Variants in STXBP5L observed in about 807,000 individuals in gnomAD.
STXBP5L encodes syntaxin binding protein 5L, also known as syntaxin-binding protein 5-like.
A neutral mutation model predicts 144.5 loss-of-function variants in STXBP5L; 65 were observed. The observed-to-expected ratio is 0.45, with a 90% CI of 0.37 to 0.55. The LOEUF (loss-of-function observed/expected upper bound fraction) is 0.55, where lower values mean the gene tolerates loss of function less well. STXBP5L is among the 20% of genes least tolerant of loss of function. The pLI is 0.00. For synonymous variants in STXBP5L, 505 were observed against 469.6 expected, an observed-to-expected ratio of 1.08 and a Z score of -0.97; for missense variants, 1,298 against 1,405.5, an observed-to-expected ratio of 0.92 and a Z score of 1.22.
chr3:121,336,192 TG>T (rs1436690555), intron 20 of STXBP5L, among the ~76,000 whole-genome samples: 1 of 152,102 alleles, frequency 6.6e-6, no homozygotes, highest in African/African-American at 2.4e-5. Context: ...ATTAGAGAAA[TG>T]CAAATCAAAA....
At chr3:120,997,396 A>G (rs535367993) in intron 3 of STXBP5L, among the ~76,000 whole-genome samples, 1 of 152,352 alleles carries the variant, frequency 6.6e-6, no homozygotes, top group East Asian at 1.9e-4. Flanking sequence ...GAACTAATTT[A>G]CATTGCCATC....
At chr3:121,389,019 C>T (rs1048801137) in intron 22 of STXBP5L, among the ~76,000 whole-genome samples, 1 of 152,156 alleles carries the variant, frequency 6.6e-6, no homozygotes, top group African/African-American at 2.4e-5. Context: ...CCATCTGATC[C>T]TGGACTTTTT....
intron 5 of STXBP5L, among the ~76,000 whole-genome samples, chr3:121,055,287 A>G (rs1288118221): frequency 6.6e-6 from 1 of 152,086 alleles, no homozygotes; most frequent in East Asian, 1.9e-4. Context: ...TTAACCAAGC[A>G]TCTTTTGGGA....
chr3:121,270,481 C>T (rs1215399302), intron 18 of STXBP5L, among the ~76,000 whole-genome samples: 3 of 151,714 alleles, frequency 2.0e-5, no homozygotes, highest in Non-Finnish European at 4.4e-5. Context: ...TAGATGGTGT[C>T]TCGCTCTATT....
intron 20 of STXBP5L, among the ~76,000 whole-genome samples, chr3:121,375,899 A>G (rs908250282): frequency 3.3e-5 from 5 of 152,206 alleles, no homozygotes; most frequent in Non-Finnish European, 4.4e-5. Context: ...AATGTATTCT[A>G]TGTATTGCTG....
chr3:121,005,951 T>G (rs901845941), intron 3 of STXBP5L, among the ~76,000 whole-genome samples: 2 of 152,230 alleles, frequency 1.3e-5, no homozygotes, highest in Non-Finnish European at 2.9e-5. Context: ...TTACATTTGC[T>G]GAGGAGTGCT....
chr3:121,286,736 A>G (rs748350354), intron 19 of STXBP5L, among the ~76,000 whole-genome samples: 1 of 152,130 alleles, frequency 6.6e-6, no homozygotes, highest in Non-Finnish European at 1.5e-5. Context: ...CAAGTACCAG[A>G]TTTAACCTCC....
intron 3 of STXBP5L, among the ~76,000 whole-genome samples, chr3:120,996,736 A>C (rs1943379542): frequency 6.6e-6 from 1 of 152,066 alleles, no homozygotes; most frequent in African/African-American, 2.4e-5. Context: ...GGAGTTTTTC[A>C]CTTATCTTAA....
At chr3:121,350,932 A>G (rs575720823) in intron 20 of STXBP5L, among the ~76,000 whole-genome samples, 1 of 152,094 alleles carries the variant, frequency 6.6e-6, no homozygotes, top group East Asian at 1.9e-4. Flanking sequence ...GAGTAGTTTG[A>G]TCATCTGAAG....
At chr3:120,914,757 A>G (rs1019131607) in intron 2 of STXBP5L, among the ~76,000 whole-genome samples, 3 of 152,168 alleles carry the variant, frequency 2.0e-5, no homozygotes, top group Non-Finnish European at 4.4e-5. Flanking sequence ...TTCTCCTGTC[A>G]CCAAAAAGCA....
At chr3:121,298,909 T>TA (rs1559948378) in intron 19 of STXBP5L, among the ~76,000 whole-genome samples, 8 of 152,232 alleles carry the variant, frequency 5.3e-5, no homozygotes, top group African/African-American at 1.9e-4. Context: ...AGATTTCATG[T>TA]TGTGTGTTTT....
intron 2 of STXBP5L, among the ~76,000 whole-genome samples, chr3:120,952,462 T>C (rs1361869845): frequency 1.3e-5 from 2 of 152,102 alleles, no homozygotes. Context: ...TTTATTTTAT[T>C]TTTGGATAGT....
rs2045577832 is a variant in STXBP5L at position 121,143,215 on chromosome 3, T to C, written c.670-9262T>C. Among the ~76,000 whole-genome samples, 3 of 151,676 alleles carry C rather than the reference T, an allele frequency of 2.0e-5. No individual in the cohort carries two copies. In the South Asian group the frequency reaches 6.2e-4, roughly 31 times the overall value. On this transcript the variant is annotated intron_variant, in intron 7 of 26. Coordinates refer to ENST00000471454, the MANE Select transcript of STXBP5L (RefSeq NM_001308330.2). ...AGATTGAATTAGTAATGAAAAACCTTTTAACGAGGAAAAGCTCAGGATGGC... is the reference window on the plus strand; with the variant it reads ...AGATTGAATTAGTAATGAAAAACCTCTTAACGAGGAAAAGCTCAGGATGGC...
intron 20 of STXBP5L, chr3:121,324,498 G>A (rs895119219): frequency 2.9e-6 from 2 of 694,410 alleles, no homozygotes; most frequent in Non-Finnish European, 5.2e-6. Context: ...TTTAGGACTT[G>A]CTACCAGAAC....
At chr3:121,288,016 T>A (rs1457141564) in intron 19 of STXBP5L, among the ~76,000 whole-genome samples, 2 of 152,222 alleles carry the variant, frequency 1.3e-5, no homozygotes, top group African/African-American at 4.8e-5. Context: ...GATGTTCTTG[T>A]AGGAACTGAC....
chr3:121,035,006 G>A (rs970286991), intron 3 of STXBP5L, among the ~76,000 whole-genome samples: 1 of 151,994 alleles, frequency 6.6e-6, no homozygotes, highest in East Asian at 1.9e-4. Flanking sequence ...TTGGCAATTT[G>A]TAGGTCTTTG....
chr3:121,077,452 G>A (rs1003966534), intron 5 of STXBP5L, among the ~76,000 whole-genome samples: 1 of 152,138 alleles, frequency 6.6e-6, no homozygotes, highest in Non-Finnish European at 1.5e-5. Flanking sequence ...TCGCTGGCTA[G>A]GAGTGAAGCT....
intron 9 of STXBP5L, among the ~76,000 whole-genome samples, chr3:121,190,303 T>C (rs2047590433): frequency 6.6e-6 from 1 of 152,184 alleles, no homozygotes; most frequent in Non-Finnish European, 1.5e-5. Flanking sequence ...ACAAAGCACA[T>C]CTTGCACCGC....
chr3:121,055,640 G>A (rs1019845607), intron 5 of STXBP5L, among the ~76,000 whole-genome samples: 2 of 149,488 alleles, frequency 1.3e-5, no homozygotes, highest in African/African-American at 4.9e-5. Flanking sequence ...CCTCCTTAGT[G>A]CTGGGACTAT....
Sources: gnomAD v4.1 joint callset for allele counts (sites outside exome capture counted in the v4.1 genomes callset) on GRCh38, gnomAD v4.1.1 for gene constraint, MANE v1.5 for transcripts, NCBI Gene and HGNC (gene_info 2026-07-23, HGNC 2026-07-21) for gene names.